ZBED6: variants seen among roughly 807,000 people sequenced by gnomAD.
ZBED6 encodes zinc finger BED-type containing 6, also known as zinc finger BED domain-containing protein 6.
In ZBED6, 40 loss-of-function variants were observed where a neutral mutation model predicts 58.4. The observed-to-expected ratio is 0.68, with a 90% CI of 0.53 to 0.89. ZBED6 has a LOEUF of 0.89. ZBED6 is among the 40% of genes least tolerant of loss of function. ZBED6 has a pLI of 0.00. For missense variants in ZBED6, 1,057 were observed against 1,003.9 expected (o/e 1.05, Z -0.71); for synonymous variants, 439 against 350.6 (o/e 1.25, Z -2.82).
chr1:203,844,290 T>A (rs1369891037), intron 11 of ZBED6, among the ~76,000 whole-genome samples: 1 of 152,122 alleles, frequency 6.6e-6, no homozygotes, highest in Non-Finnish European at 1.5e-5. Context: ...GCCTCCCGAG[T>A]AAATGGGATT....
chr1:203,825,076 CAAAAAAAAAA>C (rs61108073), intron 3 of ZBED6, among the ~76,000 whole-genome samples: 7 of 108,988 alleles, frequency 6.4e-5, no homozygotes, highest in Non-Finnish European at 8.9e-5. Flanking sequence ...GACTCCGTCT[CAAAAAAAAAA>C]AAAAAAAAAG....
chr1:203,838,954 C>CAAAAAAAAAAA (rs59033094), intron 10 of ZBED6, among the ~76,000 whole-genome samples: 7 of 97,928 alleles, frequency 7.1e-5, no homozygotes, highest in South Asian at 3.1e-4. Flanking sequence ...GACTTCATCT[C>CAAAAAAAAAAA]AAAAAAAAAA....
chr1:203,807,794 T>C (rs548159013), intron 1 of ZBED6, among the ~76,000 whole-genome samples: 2 of 152,174 alleles, frequency 1.3e-5, no homozygotes, highest in Non-Finnish European at 2.9e-5. Context: ...CAGACCAGAG[T>C]GCAGTGGGGC....
In ZBED6 at chr1:203,819,097, C is replaced by T. The variant is rs1312512754; in HGVS notation, c.*2873+408C>T. Among the ~76,000 whole-genome samples, 494 of 145,568 alleles carry T rather than the reference C, an allele frequency of 3.4e-3. 1 individual carries two copies. The highest frequency in any genetic ancestry group is 7.1e-3 in the African/African-American group (283 of 39,710). On this transcript the variant is annotated intron_variant, in intron 3 of 16. Coordinates refer to ENST00000550078, the Ensembl canonical transcript of ZBED6. ...AAAAAAATATATATATATACACACA[C>T]ACACACACACACACACACACACGTG...
chr1:203,797,474 A>G, exon 1 of ZBED6: 4 of 1,440,508 alleles, frequency 2.8e-6, no homozygotes, highest in South Asian at 1.5e-5. Context: ...CTGCTTGAGT[A>G]ATAAACCCAC....
At chr1:203,820,773 G>A (rs544474270) in intron 3 of ZBED6, among the ~76,000 whole-genome samples, 45 of 152,070 alleles carry the variant, frequency 3.0e-4, no homozygotes, top group Non-Finnish European at 5.3e-4. Context: ...AGCCACGCCC[G>A]GCGAATGGTA....
At chr1:203,808,802 C>T (rs939577915) in intron 1 of ZBED6, among the ~76,000 whole-genome samples, 7 of 151,888 alleles carry the variant, frequency 4.6e-5, no homozygotes, top group Non-Finnish European at 8.8e-5. Context: ...CCATCTTCTT[C>T]TTTTTTTTCT....
chr1:203,838,533 CA>C (rs1685082423), intron 10 of ZBED6, among the ~76,000 whole-genome samples: 1 of 152,168 alleles, frequency 6.6e-6, no homozygotes, highest in South Asian at 2.1e-4. Context: ...GTGGTATGCT[CA>C]AGGAACTGCA....
intron 11 of ZBED6, among the ~76,000 whole-genome samples, chr1:203,844,491 A>G (rs943549989): frequency 3.9e-5 from 6 of 152,124 alleles, no homozygotes; most frequent in African/African-American, 7.2e-5. Context: ...TCTAATTCAA[A>G]TCTTTATTTT....
chr1:203,812,510 C>T (rs1674830173), intron 1 of ZBED6, among the ~76,000 whole-genome samples: 1 of 150,876 alleles, frequency 6.6e-6, no homozygotes, highest in East Asian at 1.9e-4. Flanking sequence ...TTTCAGACTT[C>T]TGTCTTGTTG....
Position 203,815,205 on chromosome 1 carries a change from C to CCTTTT in ZBED6, c.*2555-1710_*2555-1706dup, listed in dbSNP as rs1359596356. 8.2e-4 allele frequency among the ~76,000 whole-genome samples: 52 copies of CCTTTT among 63,448 alleles called. 1 individual carries two copies. Among genetic ancestry groups the CCTTTT allele is most frequent in the African/African-American group, 1.4e-3 (23 of 16,932 alleles). 41.6% of individuals were successfully genotyped at this position (63,448 alleles called of 152,430 possible). ...CTAGATGTTATTTCATTATTTTCTT[C>CCTTTT]CTTTTCTTTTCTTTTTTTTTTTTTT... On this transcript the variant is annotated intron_variant, in intron 1 of 16. Transcript: ENST00000550078.
intron 10 of ZBED6, among the ~76,000 whole-genome samples, chr1:203,839,172 G>A (rs879571449): frequency 5.9e-5 from 9 of 152,092 alleles, no homozygotes; most frequent in Non-Finnish European, 1.3e-4. Context: ...ATTTGGAGAC[G>A]TGGACTAAAT....
exon 11 of ZBED6, chr1:203,840,342 T>C (rs555764405): frequency 8.1e-6 from 13 of 1,613,308 alleles, no homozygotes; most frequent in Non-Finnish European, 1.1e-5. Context: ...CGATTAGGCA[T>C]GTCAGCTGAT....
chr1:203,842,743 AT>A (rs1271905464), intron 11 of ZBED6, among the ~76,000 whole-genome samples: 1 of 151,728 alleles, frequency 6.6e-6, no homozygotes, highest in African/African-American at 2.4e-5. Flanking sequence ...CTTTAAAAAA[AT>A]CTTCAAAAAT....
chr1:203,841,825 G>C (rs1170091245), intron 11 of ZBED6, among the ~76,000 whole-genome samples: 7 of 144,562 alleles, frequency 4.8e-5, no homozygotes, highest in Non-Finnish European at 9.3e-5. Context: ...CGGGCGGAGG[G>C]GCTCCTCACT....
intron 3 of ZBED6, among the ~76,000 whole-genome samples, chr1:203,819,055 A>C (rs935875228): frequency 3.6e-5 from 5 of 140,222 alleles, no homozygotes; most frequent in Non-Finnish European, 6.1e-5. Context: ...GTGACAGAGC[A>C]ACACTCCGTC....
intron 8 of ZBED6, among the ~76,000 whole-genome samples, 173 bp from the exon 9 acceptor site, chr1:203,833,618 G>GTTTTTTTTTTTTTTTTTT (rs553171669): frequency 3.2e-5 from 4 of 124,816 alleles, no homozygotes; most frequent in Non-Finnish European, 5.0e-5. Context: ...ATAGGTTTGG[G>GTTTTTTTTTTTTTTTTTT]TTTTTTTTTT....
Position 203,850,495 on chromosome 1 carries a change from A to G in ZBED6, c.*4639-20A>G, listed in dbSNP as rs753157704. ...AGAGTCTATTCTCACTGCTTATCAG[A>G]TATTTTCTGCCCTTTGTAGCTAAAC... is the stretch of plus-strand genomic sequence containing the variant. On this transcript the variant is annotated intron_variant, in intron 14 of 16. Coordinates refer to ENST00000550078, the Ensembl canonical transcript of ZBED6. 17 of 1,613,790 alleles carry G rather than the reference A, an allele frequency of 1.1e-5. No individual in the cohort carries two copies. Among genetic ancestry groups the G allele is most frequent in the African/African-American group, 2.7e-5 (2 of 74,918 alleles).
intron 1 of ZBED6, among the ~76,000 whole-genome samples, chr1:203,807,942 A>T (rs77803457): frequency 6.6e-5 from 10 of 151,512 alleles, no homozygotes; most frequent in African/African-American, 2.4e-4. Flanking sequence ...AGGTCTCATT[A>T]TGTTGCCCAG....
Sources: allele counts gnomAD v4.1 joint callset (sites outside exome capture counted in the v4.1 genomes callset), GRCh38; gene constraint gnomAD v4.1.1; transcripts MANE v1.5; gene names NCBI Gene and HGNC (gene_info 2026-07-23, HGNC 2026-07-21).